DAAM2: variants seen among roughly 807,000 people sequenced by gnomAD.
DAAM2 encodes dishevelled associated activator of morphogenesis 2.
DAAM2 carries 39 observed loss-of-function variants against 120.7 expected under a neutral mutation model. That is an observed-to-expected ratio of 0.32 (90% CI 0.25 to 0.42). The LOEUF (loss-of-function observed/expected upper bound fraction) is 0.42. Ranked by LOEUF, DAAM2 falls within the 10% of genes least tolerant of loss-of-function variation. The pLI is 1.00. For synonymous variants in DAAM2, 488 were observed against 524.9 expected (o/e 0.93, Z 0.96); for missense variants, 1,283 against 1,401.7 (o/e 0.92, Z 1.35).
chr6:39,793,906 C>T (rs986960089), intron 1 of DAAM2, among the ~76,000 whole-genome samples: 12 of 152,114 alleles, frequency 7.9e-5, no homozygotes, highest in Admixed American at 7.9e-4. Context: ...CCTACAATGT[C>T]TGGGTGGGAG....
intron 2 of DAAM2, 149 bp from the exon 3 acceptor site, chr6:39,860,779 T>C: frequency 1.5e-6 from 1 of 673,476 alleles, no homozygotes; most frequent in Non-Finnish European, 2.5e-6. Context: ...GAAAAAGAAA[T>C]GCCCTATCAT....
intron 3 of DAAM2, chr6:39,862,959 C>G (rs1764276893): frequency 6.6e-6 from 1 of 152,260 alleles, no homozygotes; most frequent in Admixed American, 6.6e-5. Flanking sequence ...CCCTCCCCAC[C>G]TGTCTTAGCT....
intron 1 of DAAM2, 66 bp downstream of exon 1, chr6:39,792,531 G>T (rs1761577887): frequency 6.6e-6 from 1 of 152,144 alleles, no homozygotes; most frequent in South Asian, 2.1e-4. Context: ...CTCTCCGCTG[G>T]GCTCCCACAC....
At position 39,901,459 on chromosome 6, in the gene DAAM2, G is replaced by C; in HGVS notation, c.2969G>C (p.Arg990Pro). 3 of 1,607,484 alleles carry C rather than the reference G, an allele frequency of 1.9e-6. No homozygotes were observed. Among genetic ancestry groups the C allele is most frequent in the Non-Finnish European group, 2.5e-6 (3 of 1,179,288 alleles). Residue 990 changes from arginine (R) to proline (P), a missense_variant, in exon 24 of 25, where the codon CGC becomes CCC. Arg to Pro is a moderately radical substitution (Grantham distance 103). Transcript: ENST00000274867. This position sits in a 1 kb window ranked among gnomAD's most constrained non-coding sequence, Gnocchi z 4.5. ...AAGGAGGAGGAGGAGCGGCGGGCGC[G>C]CATGGAAGCCATGGTGAGGGGCAGT... ...RRKEEEERRA[R>P]MEAMLKEQRE...
chr6:39,842,628 G>A (rs185873903), intron 1 of DAAM2, among the ~76,000 whole-genome samples: 30 of 152,140 alleles, frequency 2.0e-4, no homozygotes, highest in Admixed American at 4.6e-4. Context: ...CAGAGACTCC[G>A]TCTCAAAATA....
At chr6:39,890,118 A>C (rs1250706424) in intron 17 of DAAM2, among the ~76,000 whole-genome samples, 1 of 132,790 alleles carries the variant, frequency 7.5e-6, no homozygotes, top group Admixed American at 7.8e-5. Context: ...ACAGAGTGAG[A>C]CTCCATCAAA....
intron 1 of DAAM2, among the ~76,000 whole-genome samples, chr6:39,845,643 T>C (rs971362643): frequency 6.6e-6 from 1 of 151,946 alleles, no homozygotes; most frequent in East Asian, 1.9e-4. Flanking sequence ...TCATGTCTTC[T>C]CTCTCCTCCT....
chr6:39,891,545 C>A (rs766590076), intron 18 of DAAM2, 89 bp from the exon 19 acceptor site: 1 of 1,512,224 alleles, frequency 6.6e-7, no homozygotes, highest in Non-Finnish European at 9.0e-7. Flanking sequence ...GGTGGGCAGG[C>A]TTGAGAGGAG....
chr6:39,849,603 A>T (rs1369926701), intron 1 of DAAM2, among the ~76,000 whole-genome samples: 2 of 152,216 alleles, frequency 1.3e-5, no homozygotes, highest in African/African-American at 2.4e-5. Context: ...GTTAGAGTTG[A>T]TGGCAACTGA....
chr6:39,806,067 T>C (rs962987549), intron 1 of DAAM2, among the ~76,000 whole-genome samples: 7 of 152,134 alleles, frequency 4.6e-5, no homozygotes, highest in Non-Finnish European at 2.9e-5. Flanking sequence ...GCCACCATCC[T>C]TGAGCCAGAG....
intron 1 of DAAM2, among the ~76,000 whole-genome samples, chr6:39,852,548 C>T (rs1027706818): frequency 2.0e-5 from 3 of 152,196 alleles, no homozygotes; most frequent in Non-Finnish European, 4.4e-5. Context: ...CTGGGCAGGG[C>T]GAGTCTTACC....
At chr6:39,898,735 C>T (rs1259073728) in intron 21 of DAAM2, 142 bp from the exon 22 acceptor site, 3 of 717,644 alleles carry the variant, frequency 4.2e-6, no homozygotes, top group African/African-American at 1.8e-5. Flanking sequence ...GGGCCAACAT[C>T]AATGGCCACA....
chr6:39,831,208 G>A (rs79220630), intron 1 of DAAM2, among the ~76,000 whole-genome samples: 2 of 152,302 alleles, frequency 1.3e-5, no homozygotes, highest in African/African-American at 4.8e-5. Flanking sequence ...ATACATTCTT[G>A]TGGGAGGGAT....
At chr6:39,846,231 C>T (rs532279937) in intron 1 of DAAM2, among the ~76,000 whole-genome samples, 9 of 152,106 alleles carry the variant, frequency 5.9e-5, no homozygotes, top group African/African-American at 1.4e-4. Context: ...AGAGCAGTGC[C>T]GGGCATACAG....
intron 1 of DAAM2, among the ~76,000 whole-genome samples, chr6:39,828,291 T>C (rs1762750041): frequency 6.6e-6 from 1 of 152,226 alleles, no homozygotes; most frequent in African/African-American, 2.4e-5. Context: ...AGTTGTTGTC[T>C]GGTGAGGGCT....
intron 1 of DAAM2, among the ~76,000 whole-genome samples, chr6:39,850,568 G>C (rs762436742): frequency 6.6e-6 from 1 of 152,172 alleles, no homozygotes; most frequent in Non-Finnish European, 1.5e-5. Flanking sequence ...AAGCACATTT[G>C]TTTGAATGAG....
intron 1 of DAAM2, among the ~76,000 whole-genome samples, chr6:39,815,088 C>T (rs1247481458): frequency 6.6e-6 from 1 of 152,234 alleles, no homozygotes; most frequent in Admixed American, 6.5e-5. Flanking sequence ...TAGAAATGCA[C>T]ATCCCTGGGC....
chr6:39,901,600 T>C lies in DAAM2; in HGVS notation c.2982+128T>C. The C allele has an allele frequency of 8.8e-7, 1 of 1,133,412 alleles. No homozygotes were observed. Among genetic ancestry groups the C allele is most frequent in the Non-Finnish European group, 1.2e-6 (1 of 818,204 alleles). The allele number at this position is 1,133,412 out of a possible 1,614,324, so 70.2% of individuals were successfully genotyped here. On this transcript the variant is annotated intron_variant, in intron 24 of 24. Transcript: ENST00000274867. This position sits in a 1 kb window ranked among gnomAD's most constrained non-coding sequence, Gnocchi z 4.5. ...TGAGGAACACCATAGGGGTTGGATG[T>C]CAGCCCCAGGAGAGAGAAACTTCTT...
rs1367373179 is a variant in DAAM2, at chr6:39,859,748, A to C, written c.169-1180A>C. Among the ~76,000 whole-genome samples, 3 of 152,204 alleles carry C rather than the reference A, an allele frequency of 2.0e-5. No individual in the cohort carries two copies. The East Asian group carries it at 5.8e-4, about 29-fold the overall frequency. On this transcript the variant is annotated intron_variant, in intron 2 of 24. Transcript: ENST00000274867. ...AAATTGACTTCACCTATTTCTTTTA[A>C]ATTTTTTAATGTGACTAGAAAAAAT... is the stretch of plus-strand genomic sequence containing the variant.
Sources: allele counts gnomAD v4.1 joint callset (sites outside exome capture counted in the v4.1 genomes callset), GRCh38; gene constraint gnomAD v4.1.1; non-coding constraint Gnocchi (gnomAD v3.1); transcripts MANE v1.5; gene names NCBI Gene and HGNC (gene_info 2026-07-23, HGNC 2026-07-21).